The following TCF12 variants were observed in gnomAD, a reference collection of about 807,000 sequenced individuals.
TCF12 encodes the protein transcription factor 12, also known as DNA-binding protein HTF4.
In TCF12, 45 loss-of-function variants were observed where a neutral mutation model predicts 86.0. That is an observed-to-expected ratio of 0.52 (90% CI 0.41 to 0.67). The LOEUF (loss-of-function observed/expected upper bound fraction) is 0.67, where lower values mean the gene tolerates loss of function less well. Ranked by LOEUF, TCF12 falls within the 30% of genes least tolerant of loss-of-function variation. The pLI is 0.00. For synonymous variants in TCF12, 330 were observed against 299.6 expected (o/e 1.10, Z -1.05); for missense variants, 881 against 859.9 (o/e 1.02, Z -0.31).
intron 3 of TCF12, among the ~76,000 whole-genome samples, chr15:56,967,944 A>G (rs2062084214): frequency 6.6e-6 from 1 of 151,830 alleles, no homozygotes; most frequent in South Asian, 2.1e-4. Context: ...ATTGGTTGCT[A>G]ATTATGTTTG....
intron 3 of TCF12, among the ~76,000 whole-genome samples, chr15:56,938,142 C>T (rs1344199947): frequency 2.2e-5 from 2 of 90,128 alleles, no homozygotes; most frequent in Non-Finnish European, 4.6e-5. Context: ...GCTTTTTTTT[C>T]TTCTTTTTTT....
At chr15:57,264,164 A>G (rs2152064231) in intron 18 of TCF12, among the ~76,000 whole-genome samples, 1 of 120,680 alleles carries the variant, frequency 8.3e-6, no homozygotes, top group East Asian at 2.6e-4. Flanking sequence ...TAGCTATACA[A>G]AAATATATTT....
chr15:57,220,306 G>T (rs1287021676), intron 8 of TCF12, among the ~76,000 whole-genome samples: 1 of 152,148 alleles, frequency 6.6e-6, no homozygotes, highest in Admixed American at 6.5e-5. Context: ...AAAGATGAAA[G>T]TCATCTAGGA....
intron 6 of TCF12, among the ~76,000 whole-genome samples, chr15:57,170,261 CAG>C (rs1198283822): frequency 6.6e-6 from 1 of 151,100 alleles, no homozygotes; most frequent in African/African-American, 2.5e-5. Flanking sequence ...GAGAAGGAGA[CAG>C]GGAATTAAAA....
At chr15:57,075,804 T>TTCTTTCTTTCTTTCTCTCTCTCTC (rs1461514777) in intron 4 of TCF12, among the ~76,000 whole-genome samples, 8 of 28,592 alleles carry the variant, frequency 2.8e-4, no homozygotes, top group African/African-American at 4.2e-4. Flanking sequence ...CTTTCTTTCT[T>TTCTTTCTTTCTTTCTCTCTCTCTC]TCTCTCTCTC....
At chr15:57,271,101 G>C (rs896505110) in intron 18 of TCF12, among the ~76,000 whole-genome samples, 1 of 152,148 alleles carries the variant, frequency 6.6e-6, no homozygotes, top group East Asian at 1.9e-4. Flanking sequence ...TTCTCTTCAG[G>C]GCTGTCAGGC....
chr15:57,277,627 C>CAAA (rs572510620), intron 19 of TCF12, among the ~76,000 whole-genome samples: 2 of 74,922 alleles, frequency 2.7e-5, no homozygotes, highest in Non-Finnish European at 2.7e-5. Flanking sequence ...GACTCCATCT[C>CAAA]AAAAAAAAAA....
At chr15:56,953,034 A>G (rs542955603) in intron 3 of TCF12, among the ~76,000 whole-genome samples, 1 of 152,060 alleles carries the variant, frequency 6.6e-6, no homozygotes, top group Non-Finnish European at 1.5e-5. Context: ...TTCTATTCCT[A>G]GCTTCTAAGA....
intron 3 of TCF12, among the ~76,000 whole-genome samples, chr15:57,044,720 T>G (rs2067119615): frequency 6.6e-6 from 1 of 152,042 alleles, no homozygotes; most frequent in African/African-American, 2.4e-5. Context: ...ATTTTTTTTT[T>G]ATAAGACTGT....
chr15:57,075,169 C>T (rs2069773486), intron 4 of TCF12, among the ~76,000 whole-genome samples: 1 of 152,208 alleles, frequency 6.6e-6, no homozygotes, highest in African/African-American at 2.4e-5. Flanking sequence ...TGCCAGCTGT[C>T]CTGAACCAAA....
At chr15:57,049,966 A>G (rs940254288) in intron 3 of TCF12, among the ~76,000 whole-genome samples, 4 of 152,026 alleles carry the variant, frequency 2.6e-5, no homozygotes, top group African/African-American at 4.8e-5. Flanking sequence ...TAATTCCTCA[A>G]CGTGGCTTTT....
intron 13 of TCF12, among the ~76,000 whole-genome samples, chr15:57,244,552 T>C (rs1051144800): frequency 2.6e-5 from 4 of 152,172 alleles, no homozygotes; most frequent in Non-Finnish European, 5.9e-5. Context: ...CTCCACCTCC[T>C]GGGCTCAAGG....
intron 18 of TCF12, among the ~76,000 whole-genome samples, chr15:57,267,579 G>A (rs570709441): frequency 1.3e-5 from 2 of 152,268 alleles, no homozygotes; most frequent in South Asian, 4.1e-4. Context: ...TGGACATACA[G>A]TCTCTGTCAC....
chr15:57,101,544 C>A (rs1386620552), intron 5 of TCF12, among the ~76,000 whole-genome samples: 1 of 152,164 alleles, frequency 6.6e-6, no homozygotes, highest in Non-Finnish European at 1.5e-5. Context: ...CTAGAACTTG[C>A]CATTCTGCCT....
At chr15:56,984,089 A>G (rs533056670) in intron 3 of TCF12, among the ~76,000 whole-genome samples, 2 of 149,388 alleles carry the variant, frequency 1.3e-5, no homozygotes, top group Admixed American at 6.8e-5. Flanking sequence ...TGTAGAACCT[A>G]TTCTTGTGAA....
intron 3 of TCF12, among the ~76,000 whole-genome samples, chr15:56,940,294 G>A (rs1253176867): frequency 2.0e-5 from 3 of 151,986 alleles, no homozygotes; most frequent in Non-Finnish European, 1.5e-5. Flanking sequence ...GTCAATTTGT[G>A]GTAGAGGTGA....
chr15:57,170,780 T>TATATA (rs1439503066), intron 6 of TCF12, among the ~76,000 whole-genome samples: 7 of 2,834 alleles, frequency 2.5e-3, no homozygotes, highest in Admixed American at 9.5e-3. Context: ...TTATATATAA[T>TATATA]ATATATATAT....
At chr15:56,981,743 A>G (rs1297524425) in intron 3 of TCF12, among the ~76,000 whole-genome samples, 1 of 152,158 alleles carries the variant, frequency 6.6e-6, no homozygotes, top group Non-Finnish European at 1.5e-5. Context: ...ATTAATACAT[A>G]TTTTTCATGT....
intron 3 of TCF12, among the ~76,000 whole-genome samples, chr15:57,034,300 CTT>C (rs1262640854): frequency 6.6e-6 from 1 of 151,870 alleles, no homozygotes; most frequent in Non-Finnish European, 1.5e-5. Context: ...TTGTTGATGA[CTT>C]TTTTTTCTTC....
Sources: gnomAD v4.1 joint callset for allele counts (sites outside exome capture counted in the v4.1 genomes callset) on GRCh38, gnomAD v4.1.1 for gene constraint, MANE v1.5 for transcripts, NCBI Gene and HGNC (gene_info 2026-07-23, HGNC 2026-07-21) for gene names.